Variants in CNOT4 observed in about 807,000 individuals in gnomAD.
CNOT4 encodes CCR4-associated factor 4.
Under a neutral mutation model 73.8 loss-of-function variants are expected in CNOT4, and 8 were observed. The ratio of observed to expected loss-of-function variants is 0.11; its 90% confidence interval spans 0.06 to 0.20. The LOEUF is 0.20. CNOT4 is among the 10% of genes least tolerant of loss of function. The pLI, the probability that CNOT4 is intolerant of heterozygous loss-of-function variation, is 1.00. For synonymous variants in CNOT4, 293 were observed against 321.1 expected (o/e 0.91, Z 0.94); for missense variants, 564 against 883.4 (o/e 0.64, Z 4.58).
At chr7:135,396,107 C>CTTTTTTT (rs71174519) in intron 8 of CNOT4, among the ~76,000 whole-genome samples, 18 of 95,432 alleles carry the variant, frequency 1.9e-4, no homozygotes, top group African/African-American at 3.7e-4. Context: ...ACTAGTCTCC[C>CTTTTTTT]TTTTTTTTTT....
At chr7:135,481,604 A>G (rs1343467782) in intron 1 of CNOT4, among the ~76,000 whole-genome samples, 1 of 152,222 alleles carries the variant, frequency 6.6e-6, no homozygotes, top group Non-Finnish European at 1.5e-5. Flanking sequence ...TATTTATACA[A>G]AAGAAAAGAA....
chr7:135,503,907 C>T (rs1804168417), intron 1 of CNOT4, among the ~76,000 whole-genome samples: 1 of 151,920 alleles, frequency 6.6e-6, no homozygotes, highest in Non-Finnish European at 1.5e-5. Context: ...AACTTTAAAA[C>T]TTCAGAAAAA....
intron 1 of CNOT4, among the ~76,000 whole-genome samples, chr7:135,472,683 G>A (rs184655429): frequency 5.9e-4 from 88 of 149,948 alleles, no homozygotes; most frequent in African/African-American, 1.8e-3. Flanking sequence ...GTTTAAATAT[G>A]CAACACACGA....
At chr7:135,441,126 A>T (rs1302335999) in intron 1 of CNOT4, among the ~76,000 whole-genome samples, 1 of 152,204 alleles carries the variant, frequency 6.6e-6, no homozygotes, top group East Asian at 1.9e-4. Context: ...TCGCTAAGAA[A>T]ATAAACACAT....
chr7:135,447,215 T>TAA lies in CNOT4; in HGVS notation c.-92-8793_-92-8792insTT, dbSNP rs368761372. Among the ~76,000 whole-genome samples the TAA allele has an allele frequency of 2.3e-4, 25 of 106,688 alleles. 6 individuals carry two copies. Among genetic ancestry groups the TAA allele is most frequent in the Non-Finnish European group, 4.1e-4 (17 of 41,196 alleles). 70.0% of individuals were successfully genotyped at this position (106,688 alleles called of 152,430 possible). ...TAGACACATTTCACAAAGCATGTTA[T>TAA]TTACATAAACTACACGAAGACAAAA... is the stretch of plus-strand genomic sequence containing the variant. On this transcript the variant is annotated intron_variant, in intron 1 of 11. Transcript: ENST00000541284.
In CNOT4 at chr7:135,363,941, G is replaced by A; in HGVS notation, c.1753C>T (p.His585Tyr). 6.3e-7 allele frequency: 1 copy of A among 1,598,512 alleles called. No individual in the cohort carries two copies. ...GCAGTGTTGGACGTTGGTGCACTGT[G>A]GTTGGCGTTGGAGGGGGAAGAAGAA... ...PNSSSPSNAN[H>Y]SAPTSNTATT... The change falls in exon 11 of 12, where the codon CAC becomes TAC. Residue 585 changes from histidine to tyrosine, a missense_variant. This residue lies in a region of CNOT4 where 53 missense variants were observed against 75.4 expected (regional missense o/e 0.70). Coordinates refer to ENST00000541284, the MANE Select transcript of CNOT4 (RefSeq NM_001190850.2). This position sits in a 1 kb window ranked among gnomAD's most constrained non-coding sequence, Gnocchi z 4.3.
chr7:135,465,606 G>A (rs1278158625), intron 1 of CNOT4, among the ~76,000 whole-genome samples: 1 of 152,068 alleles, frequency 6.6e-6, no homozygotes, highest in Non-Finnish European at 1.5e-5. Context: ...TATTCCAGAA[G>A]AAGGCACTGT....
intron 2 of CNOT4, among the ~76,000 whole-genome samples, chr7:135,428,166 C>T (rs1305949095): frequency 6.6e-6 from 1 of 152,178 alleles, no homozygotes; most frequent in African/African-American, 2.4e-5. Context: ...AGATATATTG[C>T]TTGGCTAGAC....
rs535310903 is a variant in CNOT4, at chr7:135,456,816, A to C, written c.-92-18393T>G. Among the ~76,000 whole-genome samples the C allele has an allele frequency of 7.0e-4, 106 of 152,170 alleles. 1 individual carries two copies. The highest frequency in any genetic ancestry group is 1.8e-3 in the Admixed American group (28 of 15,272). ...TCCACAGATACAGAAGGCCAACTGTATATAAAGGGTTCAGTACTATCTGCG... is the reference window on the plus strand; with the variant it reads ...TCCACAGATACAGAAGGCCAACTGTCTATAAAGGGTTCAGTACTATCTGCG... On this transcript the variant is annotated intron_variant, in intron 1 of 11. Coordinates refer to ENST00000541284, the MANE Select transcript of CNOT4 (RefSeq NM_001190850.2).
intron 10 of CNOT4, among the ~76,000 whole-genome samples, chr7:135,390,434 G>A (rs1259819174): frequency 1.3e-5 from 2 of 151,834 alleles, no homozygotes; most frequent in African/African-American, 4.8e-5. Context: ...AAGGCATATG[G>A]TTCCAATAAT....
At chr7:135,507,219 G>A (rs1296926130) in intron 1 of CNOT4, among the ~76,000 whole-genome samples, 1 of 152,148 alleles carries the variant, frequency 6.6e-6, no homozygotes, top group Non-Finnish European at 1.5e-5. Flanking sequence ...GATTATAACT[G>A]TCTCATCCTA....
In CNOT4 at chr7:135,433,015, C is replaced by G. The variant is rs532402881; in HGVS notation, c.174+5143G>C. On this transcript the variant is annotated intron_variant, in intron 2 of 11. Coordinates refer to ENST00000541284, the MANE Select transcript of CNOT4 (RefSeq NM_001190850.2). ...GTTTGTGCTGGACACTTGATAGGCC[C>G]TTTCAATCTGAAAATGTGTTCTTTG... Among the ~76,000 whole-genome samples, 5 of 152,264 alleles carry G rather than the reference C, an allele frequency of 3.3e-5. No individual in the cohort carries two copies. In the South Asian group the frequency reaches 6.2e-4, roughly 19 times the overall value.
At chr7:135,416,707 A>C (rs1797894646) in intron 3 of CNOT4, among the ~76,000 whole-genome samples, 1 of 152,206 alleles carries the variant, frequency 6.6e-6, no homozygotes, top group South Asian at 2.1e-4. Flanking sequence ...GTTGTCCTGC[A>C]TCAGCATCAT....
intron 1 of CNOT4, among the ~76,000 whole-genome samples, chr7:135,484,840 C>T (rs1563077286): frequency 6.6e-6 from 1 of 151,534 alleles, no homozygotes; most frequent in Non-Finnish European, 1.5e-5. Flanking sequence ...AAATACAATG[C>T]TATTCACAAT....
At chr7:135,487,093 C>A in intron 1 of CNOT4, among the ~76,000 whole-genome samples, 1 of 151,902 alleles carries the variant, frequency 6.6e-6, no homozygotes, top group Non-Finnish European at 1.5e-5. Context: ...ACTTTTTCTA[C>A]CCTAGATATC....
chr7:135,472,408 C>T (rs530463903), intron 1 of CNOT4, among the ~76,000 whole-genome samples: 54 of 134,316 alleles, frequency 4.0e-4, no homozygotes, highest in Non-Finnish European at 5.9e-4. Flanking sequence ...ACCTGGGACG[C>T]GGAGCTTGCA....
At chr7:135,393,619 G>C (rs1186312338) in intron 10 of CNOT4, among the ~76,000 whole-genome samples, 1 of 152,038 alleles carries the variant, frequency 6.6e-6, no homozygotes, top group Non-Finnish European at 1.5e-5. Context: ...TAACTTCAGA[G>C]ACCATTTTCT....
chr7:135,370,176 AG>A (rs1476300430), intron 10 of CNOT4, among the ~76,000 whole-genome samples: 11 of 152,232 alleles, frequency 7.2e-5, no homozygotes, highest in Non-Finnish European at 1.6e-4. Context: ...CAAAATCTTA[AG>A]GGTTTAATAG....
chr7:135,413,617 C>CA lies in CNOT4; in HGVS notation c.562-5dup. 1.2e-6 allele frequency: 2 copies of CA among 1,608,378 alleles called. No individual in the cohort carries two copies. The highest frequency in any genetic ancestry group is 2.2e-5 in the South Asian group (2 of 90,442). Reference sequence around the variant, plus strand: ...ATTTTGTTGTACCTAGAGATGCCTGCAGGAGGAAGAGGGGTAAAGGAAAAG... The same window carrying CA: ...ATTTTGTTGTACCTAGAGATGCCTGCAAGGAGGAAGAGGGGTAAAGGAAAAG... On this transcript the variant is annotated splice_region_variant and splice_polypyrimidine_tract_variant and intron_variant, in intron 5 of 11. Transcript: ENST00000541284.
Sources: allele counts gnomAD v4.1 joint callset (sites outside exome capture counted in the v4.1 genomes callset), GRCh38; gene constraint gnomAD v4.1.1; regional missense constraint gnomAD v4.1.1; non-coding constraint Gnocchi (gnomAD v3.1); transcripts MANE v1.5; gene names NCBI Gene and HGNC (gene_info 2026-07-23, HGNC 2026-07-21).